Variants in REPS2 observed in about 807,000 individuals in gnomAD.
The protein encoded by REPS2 is RALBP1 associated Eps domain containing 2, also known as ralBP1-associated Eps domain-containing protein 2.
REPS2 carries 23 observed loss-of-function variants against 53.6 expected under a neutral mutation model. The ratio of observed to expected loss-of-function variants is 0.43; its 90% CI spans 0.31 to 0.61. The LOEUF is 0.61. REPS2 is among the 20% of genes least tolerant of loss of function. The pLI, the probability that REPS2 is intolerant of heterozygous loss-of-function variation, is 0.11. For missense variants in REPS2, 446 were observed against 534.9 expected (o/e 0.83, Z 1.64); for synonymous variants, 238 against 218.6 (o/e 1.09, Z -0.78).
intron 14 of REPS2, among the ~76,000 whole-genome samples, chrX:17,124,200 G>A (rs1156379072): frequency 8.9e-6 from 1 of 112,094 alleles, no homozygotes; most frequent in Non-Finnish European, 1.9e-5. Context: ...AGTTACCAAG[G>A]AATGAATTAC....
intron 1 of REPS2, among the ~76,000 whole-genome samples, chrX:17,002,245 G>C (rs1250600619): frequency 9.0e-6 from 1 of 111,120 alleles, no homozygotes; most frequent in Non-Finnish European, 1.9e-5. Flanking sequence ...GTGTGAGTTT[G>C]TGTGTATGTA....
intron 17 of REPS2, among the ~76,000 whole-genome samples, chrX:17,146,553 T>C (rs892297755): frequency 8.9e-6 from 1 of 112,065 alleles, no homozygotes; most frequent in Admixed American, 9.5e-5. Flanking sequence ...GTCATTTGAA[T>C]ATAAGCCCTA....
rs774536950 is a variant in REPS2, at chrX:17,121,390, G to A, written c.1579-12434G>A. Among the ~76,000 whole-genome samples, 18 of 112,628 alleles carry A rather than the reference G, an allele frequency of 1.6e-4. No homozygotes were observed. The South Asian group carries it at 6.6e-3, about 41-fold the overall frequency. Reference sequence around the variant, plus strand: ...TCTGTGTTGTGAATGCTCCCACCATGCTGACTGCAAGTGGAGCTGGGAAGA... The same window carrying A: ...TCTGTGTTGTGAATGCTCCCACCATACTGACTGCAAGTGGAGCTGGGAAGA... On this transcript the variant is annotated intron_variant, in intron 14 of 17. Coordinates refer to ENST00000357277, the MANE Select transcript of REPS2 (RefSeq NM_004726.3).
chrX:17,112,856 A>G (rs775760219), intron 14 of REPS2, among the ~76,000 whole-genome samples: 1 of 110,020 alleles, frequency 9.1e-6, no homozygotes, highest in South Asian at 3.9e-4. Context: ...TGGGAAACCA[A>G]GACGGGTGGA....
At chrX:17,108,297 C>T (rs991582224) in intron 14 of REPS2, among the ~76,000 whole-genome samples, 3 of 109,678 alleles carry the variant, frequency 2.7e-5, no homozygotes, top group Non-Finnish European at 3.8e-5. Context: ...CCTCAGCCTT[C>T]CGAGTAGCTG....
At chrX:17,064,974 T>C (rs1280282616) in intron 9 of REPS2, among the ~76,000 whole-genome samples, 1 of 112,930 alleles carries the variant, frequency 8.9e-6, no homozygotes, top group African/African-American at 3.2e-5. Flanking sequence ...TCCTTTTTAA[T>C]GCTGAATAAT....
chrX:17,089,457 C>A (rs1191729099), intron 13 of REPS2, among the ~76,000 whole-genome samples: 1 of 111,619 alleles, frequency 9.0e-6, no homozygotes, highest in Admixed American at 9.5e-5. Flanking sequence ...GTAAATTTAT[C>A]AAATAGTGCA....
the REPS2 span, among the ~76,000 whole-genome samples, chrX:17,192,578 TG>T: frequency 8.9e-6 from 1 of 111,779 alleles, no homozygotes; most frequent in Admixed American, 9.5e-5. Context: ...ATGAGGTGAA[TG>T]GGGGAGCAAT....
intron 1 of REPS2, among the ~76,000 whole-genome samples, chrX:16,965,242 C>T (rs866150049): frequency 1.3e-4 from 13 of 101,142 alleles, no homozygotes; most frequent in South Asian, 4.5e-4. Flanking sequence ...ACTTCCCGGA[C>T]GGGGCGGCTG....
At chrX:16,971,533 GTTTA>G (rs772251551) in intron 1 of REPS2, among the ~76,000 whole-genome samples, 2 of 112,029 alleles carry the variant, frequency 1.8e-5, no homozygotes, top group African/African-American at 6.5e-5. Context: ...TTTTGATGGA[GTTTA>G]TTTATTGTTT....
At chrX:16,977,728 A>C (rs1415739499) in intron 1 of REPS2, among the ~76,000 whole-genome samples, 2 of 108,972 alleles carry the variant, frequency 1.8e-5, no homozygotes, top group South Asian at 4.0e-4. Flanking sequence ...AAAAAAAAAA[A>C]AAAAAACAAA....
Position 16,962,260 on chromosome X carries a change from TA to T in REPS2, c.273+15131del, listed in dbSNP as rs1421166869. On this transcript the variant is annotated intron_variant, in intron 1 of 17. Transcript: ENST00000357277. Reference sequence around the variant, plus strand: ...AAGTGACTGTTGATGGATGAGTGGCTAAAAATATCGTGGGATACACACACAC... The same window carrying T: ...AAGTGACTGTTGATGGATGAGTGGCTAAAATATCGTGGGATACACACACAC... Among the ~76,000 whole-genome samples, 8 of 94,218 alleles carry T rather than the reference TA, an allele frequency of 8.5e-5. No homozygotes were observed. The East Asian group carries it at 2.7e-3, about 32-fold the overall frequency. 81.8% of individuals were successfully genotyped at this position (94,218 alleles called of 115,157 possible).
At chrX:17,159,099 C>T in the REPS2 span, among the ~76,000 whole-genome samples, 1 of 111,315 alleles carries the variant, frequency 9.0e-6, no homozygotes, top group South Asian at 3.8e-4. Context: ...TTCATTGGCT[C>T]CCACTGTGTG....
intron 13 of REPS2, among the ~76,000 whole-genome samples, chrX:17,096,234 C>A (rs991290462): frequency 9.0e-6 from 1 of 111,541 alleles, no homozygotes; most frequent in Admixed American, 9.5e-5. Context: ...GTTTTCCTGT[C>A]GGTAAAGTTC....
chrX:16,968,327 A>G (rs1381846887), intron 1 of REPS2, among the ~76,000 whole-genome samples: 1 of 112,423 alleles, frequency 8.9e-6, no homozygotes, highest in African/African-American at 3.2e-5. Context: ...CGCCATTGTC[A>G]TCATGGCCCG....
chrX:17,001,720 T>A (rs764148652), intron 1 of REPS2, among the ~76,000 whole-genome samples: 5 of 111,959 alleles, frequency 4.5e-5, no homozygotes, highest in Non-Finnish European at 9.4e-5. Flanking sequence ...TATCCGAGAC[T>A]GGGAAGAAAA....
intron 3 of REPS2, among the ~76,000 whole-genome samples, chrX:17,023,096 C>T (rs149950045): frequency 0.019 from 2,188 of 112,368 alleles, 17 homozygotes; most frequent in Middle Eastern, 0.028. Context: ...AAATTATGTT[C>T]AACATAGTGT....
Position 16,947,061 on chromosome X carries a change from C to G in REPS2, c.200C>G (p.Thr67Arg), listed in dbSNP as rs891072078. 134 of 1,046,275 alleles carry G rather than the reference C, an allele frequency of 1.3e-4. No individual in the cohort carries two copies. The highest frequency in any genetic ancestry group is 1.6e-4 in the Non-Finnish European group (131 of 817,942). 86.2% of individuals were successfully genotyped at this position (1,046,275 alleles called of 1,213,427 possible). The stretch of plus-strand genomic sequence containing the variant: ...GAGGCCGCCAGAGTCGCCCCCGGCA[C>G]GGCCACTGCGGCCGCCGGCCCCGTG... The part of the protein sequence containing the change: ...PPEAARVAPG[T>R]ATAAAGPVAD... The change falls in exon 1 of 18, where the codon ACG becomes AGG. Residue 67 changes from threonine (T) to arginine (R), a missense_variant. Physicochemically the swap from Thr to Arg is moderately conservative, Grantham distance 71 (BLOSUM62 -1). Transcript: ENST00000357277.
In REPS2 at chrX:17,149,185, G is replaced by T. The variant is rs142104096; in HGVS notation, c.*1704G>T. ...CATTTGCTGCCTTTTTTGTTTTTGT[G>T]GGGGAAGGGTTGGGAGTAAGTTTAA... On this transcript the variant is annotated 3_prime_UTR_variant, in exon 18 of 18. Transcript: ENST00000357277. The T allele has an allele frequency of 1.2e-5, 3 of 245,196 alleles. No individual in the cohort carries two copies. The highest frequency in any genetic ancestry group is 2.3e-5 in the Non-Finnish European group (3 of 131,790). 20.2% of individuals were successfully genotyped at this position (245,196 alleles called of 1,213,427 possible).
Sources: gnomAD v4.1 joint callset for allele counts (sites outside exome capture counted in the v4.1 genomes callset) on GRCh38, gnomAD v4.1.1 for gene constraint, MANE v1.5 for transcripts, NCBI Gene and HGNC (gene_info 2026-07-23, HGNC 2026-07-21) for gene names.